SORCS3: variants seen among roughly 807,000 people sequenced by gnomAD.
SORCS3 encodes the protein sortilin related VPS10 domain containing receptor 3, also known as VPS10 domain-containing receptor SorCS3.
In SORCS3, 57 loss-of-function variants were observed where a neutral mutation model predicts 146.3. That is an observed-to-expected ratio of 0.39 (90% CI 0.31 to 0.49). The LOEUF (loss-of-function observed/expected upper bound fraction) is 0.49. Ranked by LOEUF, SORCS3 falls within the 20% of genes least tolerant of loss-of-function variation. The probability of loss-of-function intolerance (pLI) is 0.92; values close to 1 mark genes in which losing one functional copy is unlikely to be tolerated. For synonymous variants in SORCS3, 653 were observed against 618.5 expected, an observed-to-expected ratio of 1.06 and a Z score of -0.83; for missense variants, 1,341 against 1,575.5, an observed-to-expected ratio of 0.85 and a Z score of 2.52.
rs138806627 is a variant in SORCS3 at position 105,202,578 on chromosome 10, T to C, written c.2261+1325T>C. On this transcript the variant is annotated intron_variant, in intron 16 of 26. Coordinates refer to ENST00000369701, the MANE Select transcript of SORCS3 (RefSeq NM_014978.3). ...CCTTAGTATTAATTGCCGTACAAAA[T>C]GAACATGTTTTTGATTGTTCCACTA... Among the ~76,000 whole-genome samples the C allele has an allele frequency of 6.5e-3, 985 of 152,286 alleles. 7 individuals are homozygous for C. The highest frequency in any genetic ancestry group is 0.01 in the Non-Finnish European group (706 of 68,020).
intron 22 of SORCS3, among the ~76,000 whole-genome samples, chr10:105,248,809 T>G (rs2119743512): frequency 6.6e-6 from 1 of 151,946 alleles, no homozygotes; most frequent in Middle Eastern, 3.4e-3. Context: ...GCAGCTAAAA[T>G]TGAGCTAGGA....
chr10:104,664,109 A>G (rs952983353), intron 1 of SORCS3, among the ~76,000 whole-genome samples: 1 of 152,098 alleles, frequency 6.6e-6, no homozygotes, highest in Non-Finnish European at 1.5e-5. Flanking sequence ...AGGGCTGGCT[A>G]AGGGTAGGCT....
At chr10:104,859,425 G>T (rs534462656) in intron 2 of SORCS3, among the ~76,000 whole-genome samples, 1 of 152,112 alleles carries the variant, frequency 6.6e-6, no homozygotes, top group Non-Finnish European at 1.5e-5. Flanking sequence ...ATTCAAGATG[G>T]ATTAAAGACT....
At chr10:104,950,805 A>T (rs892045650) in intron 3 of SORCS3, among the ~76,000 whole-genome samples, 3 of 152,360 alleles carry the variant, frequency 2.0e-5, no homozygotes, top group Admixed American at 6.5e-5. Flanking sequence ...TGAATGTTCA[A>T]CGAAGATTCC....
At chr10:104,879,431 G>A (rs2018609476) in intron 2 of SORCS3, among the ~76,000 whole-genome samples, 1 of 152,098 alleles carries the variant, frequency 6.6e-6, no homozygotes, top group African/African-American at 2.4e-5. Context: ...CTCTTGTATA[G>A]ACTCATATGA....
intron 12 of SORCS3, 115 bp downstream of exon 12, chr10:105,164,494 G>C: frequency 2.4e-6 from 2 of 819,688 alleles, no homozygotes; most frequent in Non-Finnish European, 4.1e-6. Flanking sequence ...CAAAACATTT[G>C]AAGCAGCTGT....
chr10:104,907,200 G>A (rs557595368), intron 2 of SORCS3, among the ~76,000 whole-genome samples: 25 of 151,654 alleles, frequency 1.6e-4, no homozygotes, highest in African/African-American at 6.1e-4. Flanking sequence ...ATTCAGTTAT[G>A]TTCATATCAA....
At chr10:105,087,132 C>T (rs2055667268) in intron 5 of SORCS3, among the ~76,000 whole-genome samples, 1 of 152,142 alleles carries the variant, frequency 6.6e-6, no homozygotes, top group Admixed American at 6.5e-5. Context: ...GGTTCAGTTT[C>T]TGTTTTCTGC....
intron 4 of SORCS3, among the ~76,000 whole-genome samples, chr10:105,021,342 A>G (rs2133688840): frequency 6.6e-6 from 1 of 152,246 alleles, no homozygotes; most frequent in East Asian, 1.9e-4. Flanking sequence ...ATATTAATCC[A>G]TTCATGAGAG....
At chr10:104,929,914 A>G (rs1415029118) in intron 3 of SORCS3, among the ~76,000 whole-genome samples, 7 of 152,244 alleles carry the variant, frequency 4.6e-5, no homozygotes, top group African/African-American at 1.7e-4. Context: ...CATCAAGAAC[A>G]AACAGGGAAA....
At chr10:104,920,322 C>T (rs1319447738) in intron 3 of SORCS3, among the ~76,000 whole-genome samples, 1 of 152,196 alleles carries the variant, frequency 6.6e-6, no homozygotes, top group African/African-American at 2.4e-5. Flanking sequence ...GCTCCCAAAG[C>T]TAATTGTTGA....
At chr10:104,702,396 G>A (rs1056785930) in intron 1 of SORCS3, among the ~76,000 whole-genome samples, 1 of 152,182 alleles carries the variant, frequency 6.6e-6, no homozygotes, top group African/African-American at 2.4e-5. Flanking sequence ...TGATTCTGCT[G>A]CCTCAGCCTC....
At chr10:104,826,933 A>G (rs921244043) in intron 1 of SORCS3, among the ~76,000 whole-genome samples, 2 of 152,228 alleles carry the variant, frequency 1.3e-5, no homozygotes, top group Non-Finnish European at 2.9e-5. Flanking sequence ...CAGCATTTTC[A>G]CCAGGAATAG....
chr10:104,871,710 C>G (rs1477836463), intron 2 of SORCS3, among the ~76,000 whole-genome samples: 1 of 152,156 alleles, frequency 6.6e-6, no homozygotes, highest in Non-Finnish European at 1.5e-5. Context: ...AGAATCCTTT[C>G]TATCAATATT....
chr10:104,725,416 G>A (rs1222840051), intron 1 of SORCS3, among the ~76,000 whole-genome samples: 1 of 152,148 alleles, frequency 6.6e-6, no homozygotes, highest in East Asian at 1.9e-4. Context: ...TAGGCTACTC[G>A]GGAATCAGGG....
chr10:104,985,021 G>T (rs55950414), intron 4 of SORCS3, among the ~76,000 whole-genome samples: 1,868 of 152,188 alleles, frequency 0.012, 32 homozygotes, highest in African/African-American at 0.043. Flanking sequence ...GGTGGCTGTG[G>T]TGATTTCTTA....
chr10:104,896,378 G>A (rs1272150043), intron 2 of SORCS3, among the ~76,000 whole-genome samples: 2 of 152,224 alleles, frequency 1.3e-5, no homozygotes, highest in Non-Finnish European at 2.9e-5. Flanking sequence ...TAAAGCTACA[G>A]CGAATCAGCT....
chr10:104,750,178 TA>T (rs2133468016), intron 1 of SORCS3, among the ~76,000 whole-genome samples: 1 of 152,276 alleles, frequency 6.6e-6, no homozygotes, highest in South Asian at 2.1e-4. Flanking sequence ...TAGAAGGGGC[TA>T]CTAAGATAAT....
At chr10:105,191,631 T>C (rs1384605743) in intron 14 of SORCS3, among the ~76,000 whole-genome samples, 1 of 152,196 alleles carries the variant, frequency 6.6e-6, no homozygotes, top group Non-Finnish European at 1.5e-5. Flanking sequence ...ACTGGTTTCG[T>C]GGAAGACAGT....
Sources: gnomAD v4.1 joint callset for allele counts (sites outside exome capture counted in the v4.1 genomes callset) on GRCh38, gnomAD v4.1.1 for gene constraint, MANE v1.5 for transcripts, NCBI Gene and HGNC (gene_info 2026-07-23, HGNC 2026-07-21) for gene names.